IL17B: variants seen among roughly 807,000 people sequenced by gnomAD.
IL17B encodes the protein interleukin 17B, also known as interleukin-17B.
Under a neutral mutation model 14.7 loss-of-function variants are expected in IL17B, and 14 were observed. The ratio of observed to expected loss-of-function variants is 0.95; its 90% CI spans 0.63 to 1.49. The LOEUF is 1.49. Ranked by LOEUF, IL17B falls within the 40% of genes most tolerant of loss-of-function variation. The pLI is 0.00. For missense variants in IL17B, 233 were observed against 252.8 expected, an observed-to-expected ratio of 0.92 and a Z score of 0.53; for synonymous variants, 105 against 94.8, an observed-to-expected ratio of 1.11 and a Z score of -0.62.
chr5:149,382,000 G>A (rs546187302), upstream of IL17B, among the ~76,000 whole-genome samples: 2 of 152,138 alleles, frequency 1.3e-5, no homozygotes, highest in South Asian at 2.1e-4. Flanking sequence ...GGGTGGCCGC[G>A]GTCTCGCTCA....
At chr5:149,391,035 A>G (rs1253111174) in intron 1 of IL17B, among the ~76,000 whole-genome samples, 1 of 151,998 alleles carries the variant, frequency 6.6e-6, no homozygotes, top group East Asian at 1.9e-4. Flanking sequence ...CAATGGCGCT[A>G]TCTCAGCTCA....
intron 1 of IL17B, among the ~76,000 whole-genome samples, chr5:149,378,434 C>T (rs1355002720): frequency 6.6e-6 from 1 of 152,222 alleles, no homozygotes; most frequent in East Asian, 1.9e-4. Context: ...AGAAGCCAGA[C>T]TCCCCAGGAA....
chr5:149,396,255 T>C (rs1759089957), intron 1 of IL17B, among the ~76,000 whole-genome samples: 1 of 152,252 alleles, frequency 6.6e-6, no homozygotes, highest in South Asian at 2.1e-4. Flanking sequence ...GCTTCACTTT[T>C]TCCAGTCATT....
chr5:149,398,384 C>T (rs922082305), intron 1 of IL17B, among the ~76,000 whole-genome samples: 13 of 152,188 alleles, frequency 8.5e-5, no homozygotes, highest in African/African-American at 2.9e-4. Context: ...TTAACTGTAT[C>T]GGAAAGGGTC....
chr5:149,374,693 G>T lies in IL17B; in HGVS notation c.312-93C>A. 2.1e-6 allele frequency: 2 copies of T among 946,856 alleles called. No homozygotes were observed. The highest frequency in any genetic ancestry group is 3.1e-6 in the Non-Finnish European group (2 of 635,722). 58.7% of individuals were successfully genotyped at this position (946,856 alleles called of 1,614,324 possible). ...CACACCCCTGCCTTTCCTAATCAGA[G>T]TTTTAATTTCCACAGCAAGACTGTG... On this transcript the variant is annotated intron_variant, in intron 2 of 2. Transcript: ENST00000261796. This position sits in a 1 kb window ranked among gnomAD's most constrained non-coding sequence, Gnocchi z 5.0.
At chr5:149,381,161 G>A (rs1461386530), upstream of IL17B, among the ~76,000 whole-genome samples, 2 of 152,240 alleles carry the variant, frequency 1.3e-5, no homozygotes, top group Non-Finnish European at 2.9e-5. Flanking sequence ...GGGTATGGGG[G>A]ACCCCTGAAA....
At chr5:149,399,716 C>T (rs904403310) in intron 1 of IL17B, among the ~76,000 whole-genome samples, 7 of 152,022 alleles carry the variant, frequency 4.6e-5, no homozygotes, top group East Asian at 3.9e-4. Context: ...ATAATAGGGC[C>T]GGGACTCCCG....
At chr5:149,401,102 T>A (rs184467022) in intron 1 of IL17B, among the ~76,000 whole-genome samples, 54 of 152,320 alleles carry the variant, frequency 3.5e-4, no homozygotes, top group African/African-American at 1.3e-3. Context: ...AACCATCACA[T>A]CACTTCTGAT....
At chr5:149,402,129 T>C (rs1759216052) in intron 1 of IL17B, among the ~76,000 whole-genome samples, 1 of 152,186 alleles carries the variant, frequency 6.6e-6, no homozygotes, top group Non-Finnish European at 1.5e-5. Context: ...ACAGGCGTCT[T>C]GGAAGGAGGT....
chr5:149,396,544 C>T (rs1350095039), intron 1 of IL17B, among the ~76,000 whole-genome samples: 1 of 152,078 alleles, frequency 6.6e-6, no homozygotes, highest in Non-Finnish European at 1.5e-5. Context: ...ATGCTTGAGT[C>T]CAGGAATTTG....
chr5:149,401,883 T>C (rs536172342), intron 1 of IL17B, among the ~76,000 whole-genome samples: 1 of 152,346 alleles, frequency 6.6e-6, no homozygotes, highest in African/African-American at 2.4e-5. Flanking sequence ...CACCCAGAGA[T>C]AACTTCTCTT....
At chr5:149,387,289 G>A (rs1312560192) in intron 1 of IL17B, among the ~76,000 whole-genome samples, 1 of 152,182 alleles carries the variant, frequency 6.6e-6, no homozygotes, top group Admixed American at 6.5e-5. Flanking sequence ...TGGCTAGTGT[G>A]GAATCTGACC....
chr5:149,375,890 A>T (rs564424153), intron 2 of IL17B, among the ~76,000 whole-genome samples: 9 of 152,314 alleles, frequency 5.9e-5, no homozygotes, highest in Middle Eastern at 3.4e-3. Context: ...AACAAAAAAT[A>T]AAAAAATTAA....
chr5:149,402,519 C>T (rs1227881057), intron 1 of IL17B, among the ~76,000 whole-genome samples: 1 of 152,104 alleles, frequency 6.6e-6, no homozygotes, highest in Non-Finnish European at 1.5e-5. Context: ...ACAGTGACTT[C>T]CTGTCCTGGC....
chr5:149,398,190 C>G (rs902191406), intron 1 of IL17B, among the ~76,000 whole-genome samples: 2 of 152,160 alleles, frequency 1.3e-5, no homozygotes, highest in Non-Finnish European at 2.9e-5. Context: ...AAGACAACAA[C>G]AAGGTAATAG....
At chr5:149,399,853 T>C (rs1195614526) in intron 1 of IL17B, among the ~76,000 whole-genome samples, 1 of 152,076 alleles carries the variant, frequency 6.6e-6, no homozygotes, top group Non-Finnish European at 1.5e-5. Flanking sequence ...GGATGTTGGA[T>C]TTAGGTCAGG....
At chr5:149,390,585 T>C (rs1758923577) in intron 1 of IL17B, among the ~76,000 whole-genome samples, 1 of 52,482 alleles carries the variant, frequency 1.9e-5, no homozygotes, top group African/African-American at 8.1e-5. Context: ...ATCCCTGAGT[T>C]AGCACACACA....
At chr5:149,391,035 A>C (rs1253111174) in intron 1 of IL17B, among the ~76,000 whole-genome samples, 1 of 151,998 alleles carries the variant, frequency 6.6e-6, no homozygotes, top group Admixed American at 6.6e-5. Flanking sequence ...CAATGGCGCT[A>C]TCTCAGCTCA....
At chr5:149,399,273 G>A (rs539994522) in intron 1 of IL17B, among the ~76,000 whole-genome samples, 1 of 152,170 alleles carries the variant, frequency 6.6e-6, no homozygotes, top group Admixed American at 6.5e-5. Context: ...CACAGCTGGG[G>A]CATCAGGGAT....
Sources: gnomAD v4.1 joint callset for allele counts (sites outside exome capture counted in the v4.1 genomes callset) on GRCh38, gnomAD v4.1.1 for gene constraint, Gnocchi (gnomAD v3.1) non-coding constraint, MANE v1.5 for transcripts, NCBI Gene and HGNC (gene_info 2026-07-23, HGNC 2026-07-21) for gene names.